The following STOX2 variants were observed in gnomAD, a reference collection of about 807,000 sequenced individuals.
STOX2 encodes the protein storkhead-box protein 2.
Under a neutral mutation model 60.9 loss-of-function variants are expected in STOX2, and 28 were observed. That is an observed-to-expected ratio of 0.46 (90% CI 0.34 to 0.63). STOX2 has a LOEUF of 0.63. Ranked by LOEUF, STOX2 falls within the 30% of genes least tolerant of loss-of-function variation. STOX2 has a pLI of 0.01. For missense variants in STOX2, 1,024 were observed against 1,187.7 expected, an observed-to-expected ratio of 0.86 and a Z score of 2.03; for synonymous variants, 472 against 463.9, an observed-to-expected ratio of 1.02 and a Z score of -0.22.
rs895763527 is a variant in STOX2, at chr4:184,011,318, C to G, written c.2480C>G (p.Pro827Arg). 1.2e-6 allele frequency: 2 copies of G among 1,613,848 alleles called. No homozygotes were observed. Among genetic ancestry groups the G allele is most frequent in the Non-Finnish European group, 1.7e-6 (2 of 1,179,888 alleles). ...KFEKNLTLLAPKETDSSSNQR... is the reference protein window; with the variant it reads ...KFEKNLTLLARKETDSSSNQR... ...GAAAAGAACCTCACCCTTCTTGCTCCAAAAGAAACCGACAGCAGCAGCAAC... is the reference window on the plus strand; with the variant it reads ...GAAAAGAACCTCACCCTTCTTGCTCGAAAAGAAACCGACAGCAGCAGCAAC... Residue 827 changes from proline (P) to arginine (R), a missense_variant, in exon 3 of 4, where the codon CCA becomes CGA. Coordinates refer to ENST00000308497, the MANE Select transcript of STOX2 (RefSeq NM_020225.3). This position sits in a 1 kb window ranked among gnomAD's most constrained non-coding sequence, Gnocchi z 4.4.
At chr4:183,933,105 G>C (rs1307792202) in intron 1 of STOX2, among the ~76,000 whole-genome samples, 2 of 152,164 alleles carry the variant, frequency 1.3e-5, no homozygotes, top group East Asian at 3.9e-4. Flanking sequence ...GTATTAGCCA[G>C]TGTTTACATT....
At chr4:183,802,252 A>C (rs956835602) in intron 1 of STOX2, among the ~76,000 whole-genome samples, 9 of 152,254 alleles carry the variant, frequency 5.9e-5, no homozygotes, top group East Asian at 5.8e-4. Context: ...TGTATTTTGC[A>C]TTATAAAATT....
chr4:184,015,373 G>C (rs898332174), intron 3 of STOX2: 1 of 152,184 alleles, frequency 6.6e-6, no homozygotes, highest in African/African-American at 2.4e-5. Context: ...TTCCCTTTTA[G>C]TGATGACATT....
chr4:183,967,655 C>G (rs116456931), intron 1 of STOX2, among the ~76,000 whole-genome samples: 2 of 152,108 alleles, frequency 1.3e-5, no homozygotes, highest in Non-Finnish European at 2.9e-5. Flanking sequence ...TTGTTTTGTT[C>G]GGGTTTCCTG....
intron 1 of STOX2, among the ~76,000 whole-genome samples, chr4:183,961,231 G>A (rs973589721): frequency 2.6e-5 from 4 of 152,140 alleles, no homozygotes; most frequent in African/African-American, 9.7e-5. Flanking sequence ...CAAGCTTTTG[G>A]ACAGAGCTCA....
chr4:183,858,661 A>G (rs551447487), intron 1 of STOX2, among the ~76,000 whole-genome samples: 83 of 152,300 alleles, frequency 5.4e-4, no homozygotes, highest in Admixed American at 9.1e-4. Flanking sequence ...CACCATTCAG[A>G]TAATGTCCCT....
chr4:183,861,380 T>C (rs1560851335), intron 1 of STOX2, among the ~76,000 whole-genome samples: 1 of 152,066 alleles, frequency 6.6e-6, no homozygotes, highest in Non-Finnish European at 1.5e-5. Context: ...GCCGCCATGG[T>C]GAAGTTTGTT....
At chr4:183,957,256 A>G (rs1015543427) in intron 1 of STOX2, among the ~76,000 whole-genome samples, 4 of 151,728 alleles carry the variant, frequency 2.6e-5, no homozygotes, top group Non-Finnish European at 4.4e-5. Flanking sequence ...TCATTTGGTT[A>G]TGGTGGTGGC....
In STOX2 at chr4:183,991,430, G is replaced by T. The variant is rs573764175; in HGVS notation, c.167-9895G>T. Among the ~76,000 whole-genome samples, 11 of 140,998 alleles carry T rather than the reference G, an allele frequency of 7.8e-5. No homozygotes were observed. The East Asian group carries it at 1.4e-3, about 18-fold the overall frequency. The allele number at this position is 140,998 out of a possible 152,430, so 92.5% of individuals were successfully genotyped here. ...GATAAATCTAGATGGGCTTGAGGAAGAATTTTTTTTTTTTTTTGACGGAGT... is the reference window on the plus strand; with the variant it reads ...GATAAATCTAGATGGGCTTGAGGAATAATTTTTTTTTTTTTTTGACGGAGT... On this transcript the variant is annotated intron_variant, in intron 1 of 3. Transcript: ENST00000308497.
intron 1 of STOX2, among the ~76,000 whole-genome samples, chr4:183,957,178 AAT>A (rs1743275271): frequency 2.0e-5 from 3 of 149,710 alleles, no homozygotes; most frequent in African/African-American, 7.3e-5. Flanking sequence ...TAATAATAAT[AAT>A]AATAAAAGAA....
chr4:183,993,648 C>T (rs753860559), intron 1 of STOX2, among the ~76,000 whole-genome samples: 9 of 152,194 alleles, frequency 5.9e-5, no homozygotes, highest in Non-Finnish European at 1.3e-4. Flanking sequence ...TCTAAAATTC[C>T]TTTTTTATGC....
intron 2 of STOX2, among the ~76,000 whole-genome samples, chr4:184,008,567 T>C (rs1733981889): frequency 6.6e-6 from 1 of 152,192 alleles, no homozygotes; most frequent in South Asian, 2.1e-4. Flanking sequence ...AGTTTCCAAA[T>C]GGAAGGCAAT....
At chr4:183,861,314 G>GA (rs201008960) in intron 1 of STOX2, among the ~76,000 whole-genome samples, 1 of 151,838 alleles carries the variant, frequency 6.6e-6, no homozygotes, top group African/African-American at 2.4e-5. Context: ...ACCTTGGGGG[G>GA]GTCCTCACCC....
chr4:184,021,646 C>T lies in STOX2; in HGVS notation c.*4362C>T, dbSNP rs944763921. 6.6e-6 allele frequency: 1 copy of T among 152,206 alleles called. No homozygotes were observed. Among genetic ancestry groups the T allele is most frequent in the African/African-American group, 2.4e-5 (1 of 41,446 alleles). 9.4% of individuals were successfully genotyped at this position (152,206 alleles called of 1,614,324 possible). A position where few individuals can be genotyped will look rare whatever the true frequency, so the allele number is the denominator to read the frequency against. The stretch of plus-strand genomic sequence containing the variant: ...ACCAGCTTTCAGGAACATGACTGCT[C>T]CTGGCAGTGGAAGGTGCTGAAACAG... On this transcript the variant is annotated 3_prime_UTR_variant, in exon 4 of 4. Coordinates refer to ENST00000308497, the MANE Select transcript of STOX2 (RefSeq NM_020225.3).
At chr4:183,977,775 A>G (rs772736508) in intron 1 of STOX2, among the ~76,000 whole-genome samples, 1 of 152,222 alleles carries the variant, frequency 6.6e-6, no homozygotes, top group Non-Finnish European at 1.5e-5. Flanking sequence ...ACTATTTTCC[A>G]TAGAGGTTGT....
chr4:183,869,173 A>G (rs1740635965), intron 1 of STOX2, among the ~76,000 whole-genome samples: 1 of 152,222 alleles, frequency 6.6e-6, no homozygotes. Flanking sequence ...TACCTGACAA[A>G]CAAAAGAAAG....
Position 183,840,877 on chromosome 4 carries a change from A to AT in STOX2, c.364+42830dup, listed in dbSNP as rs886254404. Among the ~76,000 whole-genome samples, 3 of 151,760 alleles carry AT rather than the reference A, an allele frequency of 2.0e-5. 1 individual carries two copies. In the South Asian group the frequency reaches 6.2e-4, roughly 32 times the overall value. On this transcript the variant is annotated intron_variant, in intron 1 of 2. Transcript: ENST00000513034. ...AGAGTTTCACTCATTGTATTCTGTT[A>AT]TTTTTTTTGAGACAGGGTCTCACTC...
intron 1 of STOX2, among the ~76,000 whole-genome samples, chr4:183,996,107 G>T (rs900970964): frequency 6.6e-6 from 1 of 152,242 alleles, no homozygotes; most frequent in Non-Finnish European, 1.5e-5. Context: ...TTTTAAGCTC[G>T]CTTAAAAATC....
At position 183,919,443 on chromosome 4, in the gene STOX2, G is replaced by T. The variant is rs79289351; in HGVS notation, c.166+12487G>T. The stretch of plus-strand genomic sequence containing the variant: ...TCGTGGAGTCAGGCCCCGCCGGGAG[G>T]TGTCTGTTAAGCTCGGCAGTGGCTC... On this transcript the variant is annotated intron_variant, in intron 1 of 3. Transcript: ENST00000308497. Among the ~76,000 whole-genome samples the T allele has an allele frequency of 4.4e-4, 67 of 152,242 alleles. No individual in the cohort carries two copies. The East Asian group carries it at 0.013, about 29-fold the overall frequency.
Sources: allele counts gnomAD v4.1 joint callset (sites outside exome capture counted in the v4.1 genomes callset), GRCh38; gene constraint gnomAD v4.1.1; non-coding constraint Gnocchi (gnomAD v3.1); transcripts MANE v1.5; gene names NCBI Gene and HGNC (gene_info 2026-07-23, HGNC 2026-07-21).